NPHP4: variants seen among roughly 807,000 people sequenced by gnomAD.
NPHP4 encodes nephrocystin 4, also known as nephrocystin-4.
In NPHP4, 151 loss-of-function variants were observed where a neutral mutation model predicts 155.8. The observed-to-expected ratio is 0.97, with a 90% CI of 0.85 to 1.11. The LOEUF (loss-of-function observed/expected upper bound fraction) is 1.11. Ranked by LOEUF, NPHP4 falls within the 50% of genes least tolerant of loss-of-function variation. NPHP4 has a pLI of 0.00. For missense variants in NPHP4, 1,956 were observed against 1,925.7 expected (o/e 1.02, Z -0.29); for synonymous variants, 845 against 816.8 (o/e 1.03, Z -0.59).
intron 20 of NPHP4, 61 bp downstream of exon 20, chr1:5,877,032 G>A (rs567456686): frequency 1.4e-5 from 16 of 1,118,222 alleles, no homozygotes; most frequent in Middle Eastern, 3.3e-4. Context: ...GGGAAAGGAT[G>A]TGCACAGTGA....
chr1:5,988,955 T>C (rs1655870534), intron 1 of NPHP4, among the ~76,000 whole-genome samples: 1 of 152,190 alleles, frequency 6.6e-6, no homozygotes, highest in Non-Finnish European at 1.5e-5. Context: ...CAGGCACACA[T>C]GCTGGTTTGT....
At chr1:5,893,408 G>A (rs1431322129) in intron 16 of NPHP4, among the ~76,000 whole-genome samples, 2 of 152,172 alleles carry the variant, frequency 1.3e-5, no homozygotes, top group African/African-American at 2.4e-5. Flanking sequence ...AAGGTCACGC[G>A]GGTCACGTGT....
intron 7 of NPHP4, among the ~76,000 whole-genome samples, chr1:5,951,282 C>T (rs534122437): frequency 6.6e-6 from 1 of 152,330 alleles, no homozygotes; most frequent in African/African-American, 2.4e-5. Flanking sequence ...TGCGCTTCTG[C>T]GGGACTCATC....
At chr1:5,981,655 T>C (rs1654720933) in intron 2 of NPHP4, among the ~76,000 whole-genome samples, 1 of 152,224 alleles carries the variant, frequency 6.6e-6, no homozygotes, top group South Asian at 2.1e-4. Context: ...CTTATAAGAC[T>C]ATCTATACCA....
In NPHP4 at chr1:5,909,510, A is replaced by G. The variant is rs548538599; in HGVS notation, c.1442-297T>C. Reference sequence around the variant, plus strand: ...CAGCTTGGGGTGCTTGGAGCTCCCTAACACGCTTCTCCTCACTAGTCATCT... The same window carrying G: ...CAGCTTGGGGTGCTTGGAGCTCCCTGACACGCTTCTCCTCACTAGTCATCT... On this transcript the variant is annotated intron_variant, in intron 11 of 29. Coordinates refer to ENST00000378156, the MANE Select transcript of NPHP4 (RefSeq NM_015102.5). Among the ~76,000 whole-genome samples the G allele has an allele frequency of 3.9e-5, 6 of 152,220 alleles. No individual in the cohort carries two copies. The East Asian group carries it at 1.2e-3, about 29-fold the overall frequency.
chr1:5,913,138 T>G (rs1047320678), intron 11 of NPHP4, among the ~76,000 whole-genome samples: 6 of 114,640 alleles, frequency 5.2e-5, no homozygotes, highest in African/African-American at 1.4e-4. Flanking sequence ...GCAAAAAGAG[T>G]GAGACTCCAT....
At chr1:5,919,958 A>C (rs1187168032) in intron 11 of NPHP4, among the ~76,000 whole-genome samples, 1 of 152,084 alleles carries the variant, frequency 6.6e-6, no homozygotes, top group Non-Finnish European at 1.5e-5. Context: ...CTAGAGACAG[A>C]GTCTCACTCT....
intron 18 of NPHP4, among the ~76,000 whole-genome samples, chr1:5,885,017 T>G (rs1396160377): frequency 3.2e-5 from 4 of 125,216 alleles, no homozygotes; most frequent in Non-Finnish European, 6.4e-5. Flanking sequence ...GAGCCCATCC[T>G]ACGCCGCAAC....
At chr1:5,962,478 A>G (rs1251652165) in intron 5 of NPHP4, among the ~76,000 whole-genome samples, 1 of 152,182 alleles carries the variant, frequency 6.6e-6, no homozygotes, top group Non-Finnish European at 1.5e-5. Context: ...AGGGGCCTGG[A>G]GGACACCCTG....
chr1:5,901,030 G>C lies in NPHP4; in HGVS notation c.2143+3587C>G, dbSNP rs911699476. 3.3e-5 allele frequency among the ~76,000 whole-genome samples: 5 copies of C among 151,710 alleles called. 1 individual carries two copies. Among genetic ancestry groups the C allele is most frequent in the Admixed American group, 2.6e-4 (4 of 15,218 alleles). The stretch of plus-strand genomic sequence containing the variant: ...AGCCTGGGTGACAGAGTAAGATCCT[G>C]TCTCAAATAAAACCCAAAAAAAAAC... On this transcript the variant is annotated intron_variant, in intron 16 of 29. Coordinates refer to ENST00000378156, the MANE Select transcript of NPHP4 (RefSeq NM_015102.5).
chr1:5,886,988 T>C, intron 18 of NPHP4: 1 of 348,490 alleles, frequency 2.9e-6, no homozygotes, highest in East Asian at 4.9e-5. Context: ...ACCCAGTCAC[T>C]GTATTTGAGG....
chr1:5,870,357 G>T (rs1161932925), intron 23 of NPHP4, among the ~76,000 whole-genome samples: 2 of 152,176 alleles, frequency 1.3e-5, no homozygotes, highest in Non-Finnish European at 2.9e-5. Flanking sequence ...GAAATTCATT[G>T]TTCATAAGGA....
intron 25 of NPHP4, 130 bp from the exon 26 acceptor site, chr1:5,866,588 T>C: frequency 4.7e-6 from 3 of 642,584 alleles, no homozygotes; most frequent in East Asian, 2.7e-5. Context: ...GTTCATGTTC[T>C]ATACCAATCG....
At chr1:5,915,819 A>C (rs1645441237) in intron 11 of NPHP4, among the ~76,000 whole-genome samples, 1 of 152,108 alleles carries the variant, frequency 6.6e-6, no homozygotes, top group African/African-American at 2.4e-5. Context: ...CCTGCACACG[A>C]ACTTCCATTC....
At chr1:5,991,054 C>A (rs1474874372) in intron 1 of NPHP4, among the ~76,000 whole-genome samples, 1 of 152,056 alleles carries the variant, frequency 6.6e-6, no homozygotes, top group African/African-American at 2.4e-5. Context: ...GTGAGCAGGG[C>A]TGAAGGAAGA....
chr1:5,929,769 A>G (rs1373669856), intron 10 of NPHP4, among the ~76,000 whole-genome samples: 5 of 152,130 alleles, frequency 3.3e-5, no homozygotes, highest in Admixed American at 1.3e-4. Context: ...TTTTCTTGTT[A>G]TTATTAATAT....
chr1:5,909,752 G>A (rs1394949806), intron 11 of NPHP4, among the ~76,000 whole-genome samples: 1 of 152,170 alleles, frequency 6.6e-6, no homozygotes, highest in East Asian at 1.9e-4. Context: ...CCTGGGGGAG[G>A]CAAGGCCAGC....
At chr1:5,898,872 T>C (rs1193523303) in intron 16 of NPHP4, among the ~76,000 whole-genome samples, 2 of 151,364 alleles carry the variant, frequency 1.3e-5, no homozygotes, top group Non-Finnish European at 2.9e-5. Flanking sequence ...GACAACACAC[T>C]AGAAAATGGG....
chr1:5,991,071 G>A (rs1355461711), intron 1 of NPHP4, among the ~76,000 whole-genome samples: 1 of 152,140 alleles, frequency 6.6e-6, no homozygotes, highest in Admixed American at 6.5e-5. Context: ...AAGATGCAGG[G>A]GGTGGGAGGC....
Sources: allele counts gnomAD v4.1 joint callset (sites outside exome capture counted in the v4.1 genomes callset), GRCh38; gene constraint gnomAD v4.1.1; transcripts MANE v1.5; gene names NCBI Gene and HGNC (gene_info 2026-07-23, HGNC 2026-07-21).